SORL1: variants seen among roughly 807,000 people sequenced by gnomAD.
SORL1 encodes the protein sortilin-related receptor.
In SORL1, 127 loss-of-function variants were observed where a neutral mutation model predicts 273.7. The ratio of observed to expected loss-of-function variants is 0.46; its 90% confidence interval spans 0.40 to 0.54. The LOEUF (loss-of-function observed/expected upper bound fraction) is 0.54, where lower values mean the gene tolerates loss of function less well. Among genes scored for constraint, SORL1 ranks in the 20% least tolerant of loss-of-function variants. SORL1 has a pLI of 0.00. For missense variants in SORL1, 2,494 were observed against 2,846.1 expected (o/e 0.88, Z 2.81); for synonymous variants, 1,031 against 1,067.4 (o/e 0.97, Z 0.66).
chr11:121,461,552 C>A (rs1861001612), intron 1 of SORL1, among the ~76,000 whole-genome samples: 1 of 152,210 alleles, frequency 6.6e-6, no homozygotes, highest in South Asian at 2.1e-4. Context: ...GGTGAAGAAG[C>A]CACTGGTAGG....
rs755596616 is a variant in SORL1 at position 121,595,799 on chromosome 11, C to A, written c.4519+27C>A. 4.4e-6 allele frequency: 7 copies of A among 1,606,458 alleles called. No individual in the cohort carries two copies. The South Asian group carries it at 6.6e-5, about 15-fold the overall frequency. On this transcript the variant is annotated intron_variant, in intron 32 of 47. Coordinates refer to ENST00000260197, the MANE Select transcript of SORL1 (RefSeq NM_003105.6). This position sits in a 1 kb window ranked among gnomAD's most constrained non-coding sequence, Gnocchi z 5.1. ...TGAGTAGTCAGAGAGCCCTTCACCC[C>A]CTGGGCACGTTTCTGCAGAGAGCAC...
chr11:121,566,889 C>T, intron 21 of SORL1, 51 bp from the exon 22 acceptor site: 1 of 1,539,142 alleles, frequency 6.5e-7, no homozygotes, highest in Non-Finnish European at 8.8e-7. Flanking sequence ...TATTCAGTAC[C>T]TCCCTCATGG....
chr11:121,452,940 T>G lies in SORL1; in HGVS notation c.285+324T>G, dbSNP rs1247974971. 2 of 277,614 alleles carry G rather than the reference T, an allele frequency of 7.2e-6. No individual in the cohort carries two copies. Among genetic ancestry groups the G allele is most frequent in the Non-Finnish European group, 6.7e-6 (1 of 148,732 alleles). 17.2% of individuals were successfully genotyped at this position (277,614 alleles called of 1,614,324 possible). A position where few individuals can be genotyped will look rare whatever the true frequency, so the allele number is the denominator to read the frequency against. On this transcript the variant is annotated intron_variant, in intron 1 of 47. Transcript: ENST00000260197. This position sits in a 1 kb window ranked among gnomAD's most constrained non-coding sequence, Gnocchi z 5.3. ...TTTTACATCTGGATAAAAAACGGGC[T>G]TTCTTTAGTGTATCATCAGTTGGCA...
In SORL1 at chr11:121,588,019, G is replaced by A; in HGVS notation, c.3815-1G>A. ...TCTTCCCTTCTCTGGATCCCTTACA[G>A]AGCCCCTCTGTACGCACTTCATGGA... is the stretch of plus-strand genomic sequence containing the variant. On this transcript the variant is annotated splice_acceptor_variant, in intron 27 of 47. Coordinates refer to ENST00000260197, the MANE Select transcript of SORL1 (RefSeq NM_003105.6). LOFTEE classifies it high-confidence loss of function. 6.2e-7 allele frequency: 1 copy of A among 1,612,882 alleles called. No individual in the cohort carries two copies. The highest frequency in any genetic ancestry group is 8.5e-7 in the Non-Finnish European group (1 of 1,179,286).
At chr11:121,601,467 G>A (rs1406256500) in intron 32 of SORL1, among the ~76,000 whole-genome samples, 7 of 151,110 alleles carry the variant, frequency 4.6e-5, no homozygotes, top group Admixed American at 1.3e-4. Context: ...CTGAGGAATC[G>A]CCACACTGAC....
rs193261768 is a variant in SORL1 at position 121,531,846 on chromosome 11, C to G, written c.1597-618C>G. 4.6e-5 allele frequency among the ~76,000 whole-genome samples: 7 copies of G among 152,320 alleles called. No homozygotes were observed. The East Asian group carries it at 1.3e-3, about 29-fold the overall frequency. ...ACCTACCCTATAGGGGCTCCTTTCT[C>G]TGGTTCCTTTGGGGGAAATAATATC... On this transcript the variant is annotated intron_variant, in intron 11 of 47. Coordinates refer to ENST00000260197, the MANE Select transcript of SORL1 (RefSeq NM_003105.6).
intron 38 of SORL1, 92 bp from the exon 39 acceptor site, chr11:121,610,984 T>C (rs766203943): frequency 2.7e-5 from 22 of 822,954 alleles, no homozygotes; most frequent in Non-Finnish European, 4.3e-5. Context: ...GACTGAAAGA[T>C]GGCTTTGTCC....
chr11:121,468,311 G>T (rs960265030), intron 1 of SORL1, among the ~76,000 whole-genome samples: 1 of 152,198 alleles, frequency 6.6e-6, no homozygotes, highest in Admixed American at 6.5e-5. Flanking sequence ...TCAGACAGCT[G>T]AGGTTGAGGA....
At chr11:121,597,112 C>T (rs117868766) in intron 32 of SORL1, among the ~76,000 whole-genome samples, 1,662 of 152,322 alleles carry the variant, frequency 0.011, 14 homozygotes, top group Non-Finnish European at 0.018. Context: ...CAGAGGTGCC[C>T]TGTCTGATTC....
rs1490629363 is a variant in SORL1 at position 121,478,130 on chromosome 11, T to G, written c.415T>G (p.Tyr139Asp). The change falls in exon 3 of 48, where the codon TAC (tyrosine) becomes GAC (aspartate). Residue 139 changes from tyrosine (Y) to aspartate (D), a missense_variant. Transcript: ENST00000260197. Reference sequence around the variant, plus strand: ...CTCTGTATTCCAGGTGTACGTGTCTTACGACTATGGAAAATCATTCAAGAA... The same window carrying G: ...CTCTGTATTCCAGGTGTACGTGTCTGACGACTATGGAAAATCATTCAAGAA... ...RPKSSDVYVS[Y>D]DYGKSFKKIS... The G allele has an allele frequency of 2.5e-6, 4 of 1,613,908 alleles. No individual in the cohort carries two copies. The highest frequency in any genetic ancestry group is 3.4e-6 in the Non-Finnish European group (4 of 1,179,948).
intron 6 of SORL1, among the ~76,000 whole-genome samples, chr11:121,499,466 C>G (rs192811667): frequency 6.6e-6 from 1 of 152,148 alleles, no homozygotes; most frequent in Non-Finnish European, 1.5e-5. Context: ...CCAGATCATC[C>G]CAAGGTTGTC....
intron 11 of SORL1, among the ~76,000 whole-genome samples, chr11:121,530,255 G>GA (rs1194774141): frequency 6.6e-6 from 1 of 152,134 alleles, no homozygotes; most frequent in Non-Finnish European, 1.5e-5. Flanking sequence ...CTTCGTTCTG[G>GA]AAAAATCTCT....
chr11:121,589,101 T>C (rs944416870), intron 28 of SORL1, among the ~76,000 whole-genome samples, 158 bp from the exon 29 acceptor site: 1 of 152,118 alleles, frequency 6.6e-6, no homozygotes, highest in Non-Finnish European at 1.5e-5. Flanking sequence ...GTGTGCTCTG[T>C]TTAGATTAGG....
At chr11:121,572,310 G>C (rs1435087838) in intron 23 of SORL1, among the ~76,000 whole-genome samples, 1 of 152,214 alleles carries the variant, frequency 6.6e-6, no homozygotes, top group African/African-American at 2.4e-5. Context: ...CCTGAGCTCT[G>C]TTGCAGACTG....
At chr11:121,456,184 G>C (rs139249113) in intron 1 of SORL1, among the ~76,000 whole-genome samples, 1 of 152,178 alleles carries the variant, frequency 6.6e-6, no homozygotes, top group Non-Finnish European at 1.5e-5. Flanking sequence ...TCCTTGCCTG[G>C]GAAGCTCTTA....
intron 21 of SORL1, among the ~76,000 whole-genome samples, chr11:121,564,144 A>T (rs564644368): frequency 6.6e-6 from 1 of 152,298 alleles, no homozygotes; most frequent in South Asian, 2.1e-4. Flanking sequence ...TGCCTGGTCC[A>T]CTCAAGACAA....
intron 22 of SORL1, among the ~76,000 whole-genome samples, chr11:121,569,138 C>T (rs1034223527): frequency 3.3e-5 from 5 of 152,184 alleles, no homozygotes; most frequent in Non-Finnish European, 7.3e-5. Flanking sequence ...TATCACTTCC[C>T]CAATCAATAC....
rs376760303 is a variant in SORL1, at chr11:121,543,551, C to T, written c.1689C>T (p.Tyr563=). The T allele has an allele frequency of 1.9e-4, 304 of 1,612,934 alleles. No homozygotes were observed. The highest frequency in any genetic ancestry group is 2.4e-4 in the Non-Finnish European group (280 of 1,179,134). Reference sequence around the variant, plus strand: ...TCTCTTACTTGCATTTGGGCAGATACAGTACCAATGAAGGGGAGACCTGGA... The same window carrying T: ...TCTCTTACTTGCATTTGGGCAGATATAGTACCAATGAAGGGGAGACCTGGA... ...AQGMETNELK[Y]STNEGETWKT... Residue 563 remains tyrosine, a synonymous_variant, in exon 13 of 48, where the codon TAC becomes TAT. Transcript: ENST00000260197.
intron 41 of SORL1, among the ~76,000 whole-genome samples, chr11:121,617,798 C>A (rs1211702841): frequency 6.6e-6 from 1 of 152,238 alleles, no homozygotes; most frequent in Non-Finnish European, 1.5e-5. Flanking sequence ...GCTTGAAACT[C>A]CCTCAGTTTC....
Sources: allele counts gnomAD v4.1 joint callset (sites outside exome capture counted in the v4.1 genomes callset), GRCh38; gene constraint gnomAD v4.1.1; non-coding constraint Gnocchi (gnomAD v3.1); transcripts MANE v1.5; gene names NCBI Gene and HGNC (gene_info 2026-07-23, HGNC 2026-07-21).